Variants in FBXL17 observed in about 807,000 individuals in gnomAD.
FBXL17 encodes F-box/LRR-repeat protein 17.
Under a neutral mutation model 66.2 loss-of-function variants are expected in FBXL17, and 22 were observed. The observed-to-expected ratio is 0.33, with a 90% CI of 0.24 to 0.47. The LOEUF is 0.47. Ranked by LOEUF, FBXL17 falls within the 20% of genes least tolerant of loss-of-function variation. The pLI is 1.00. For missense variants in FBXL17, 878 were observed against 948.2 expected (o/e 0.93, Z 0.97); for synonymous variants, 474 against 400.5 (o/e 1.18, Z -2.19).
At chr5:108,313,646 T>C (rs1759226154) in intron 4 of FBXL17, among the ~76,000 whole-genome samples, 1 of 152,036 alleles carries the variant, frequency 6.6e-6, no homozygotes. Flanking sequence ...TTTACATTTA[T>C]ATATTATGAT....
At position 108,240,374 on chromosome 5, in the gene FBXL17, G is replaced by C. The variant is rs761779523; in HGVS notation, c.1507-16146C>G. On this transcript the variant is annotated intron_variant, in intron 4 of 8. Transcript: ENST00000542267. ...GGCCTGGCAGCACTCATCATAAGCT[G>C]ACTAAAGAGCCTTTGGTCCTTGAAT... Among the ~76,000 whole-genome samples, 117 of 152,070 alleles carry C rather than the reference G, an allele frequency of 7.7e-4. 1 individual carries two copies. The highest frequency in any genetic ancestry group is 1.5e-4 in the Non-Finnish European group (10 of 68,016).
At chr5:108,010,753 C>A (rs1754144896) in intron 7 of FBXL17, among the ~76,000 whole-genome samples, 2 of 151,798 alleles carry the variant, frequency 1.3e-5, no homozygotes, top group Non-Finnish European at 2.9e-5. Flanking sequence ...AAAAATAGGG[C>A]AATTTGAGCA....
At chr5:108,304,812 GATTA>G (rs1758762554) in intron 4 of FBXL17, among the ~76,000 whole-genome samples, 1 of 151,708 alleles carries the variant, frequency 6.6e-6, no homozygotes, top group African/African-American at 2.4e-5. Context: ...GTACATACTT[GATTA>G]AAAACTAAAA....
intron 4 of FBXL17, among the ~76,000 whole-genome samples, chr5:108,294,113 G>A (rs982372163): frequency 3.1e-5 from 4 of 130,454 alleles, no homozygotes; most frequent in Non-Finnish European, 4.9e-5. Flanking sequence ...ATTCAAAGCA[G>A]ACATGATATT....
intron 4 of FBXL17, among the ~76,000 whole-genome samples, chr5:108,305,028 C>A (rs1400620212): frequency 2.6e-5 from 4 of 151,960 alleles, no homozygotes; most frequent in Non-Finnish European, 5.9e-5. Flanking sequence ...GCTTCTATTT[C>A]TCCATATGAA....
intron 7 of FBXL17, among the ~76,000 whole-genome samples, chr5:107,930,344 T>C (rs188140011): frequency 1.1e-3 from 166 of 152,320 alleles, no homozygotes; most frequent in Non-Finnish European, 2.0e-3. Flanking sequence ...TCTCTCAGTT[T>C]CTTTACCCAG....
rs561526609 is a variant in FBXL17, at chr5:108,334,992, T to C, written c.1506+13407A>G. 1.4e-4 allele frequency among the ~76,000 whole-genome samples: 22 copies of C among 152,242 alleles called. 1 individual carries two copies. The highest frequency in any genetic ancestry group is 2.6e-4 in the Non-Finnish European group (18 of 68,036). ...ATTTCAATTGTTAAATTACAAATTC[T>C]ACACTATTGGTGTGAGAATAAGGTA... is the stretch of plus-strand genomic sequence containing the variant. On this transcript the variant is annotated intron_variant, in intron 4 of 8. Transcript: ENST00000542267.
chr5:108,251,279 G>A (rs926050794), intron 4 of FBXL17, among the ~76,000 whole-genome samples: 1 of 151,940 alleles, frequency 6.6e-6, no homozygotes, highest in Non-Finnish European at 1.5e-5. Flanking sequence ...AACCTGCAGG[G>A]TAAAAAATAC....
intron 1 of FBXL17, among the ~76,000 whole-genome samples, chr5:108,374,755 AT>A (rs1184464412): frequency 6.6e-6 from 1 of 152,176 alleles, no homozygotes; most frequent in African/African-American, 2.4e-5. Flanking sequence ...AAATCTGGAA[AT>A]TTCACAAATA....
chr5:107,983,937 C>T (rs1450211718), intron 7 of FBXL17, among the ~76,000 whole-genome samples: 2 of 151,568 alleles, frequency 1.3e-5, no homozygotes, highest in African/African-American at 4.9e-5. Flanking sequence ...ACGTGTTTTG[C>T]AGTGAAGAAA....
intron 6 of FBXL17, among the ~76,000 whole-genome samples, chr5:108,084,462 G>C (rs761670759): frequency 6.6e-6 from 1 of 152,150 alleles, no homozygotes; most frequent in Non-Finnish European, 1.5e-5. Flanking sequence ...AGTTTCATCT[G>C]GAAAAAACAC....
chr5:107,981,725 A>C (rs1017112911), intron 7 of FBXL17, among the ~76,000 whole-genome samples: 1 of 152,250 alleles, frequency 6.6e-6, no homozygotes, highest in Admixed American at 6.5e-5. Context: ...TATAGAAAAA[A>C]AACATTCTCC....
chr5:107,873,680 C>A (rs1748525947), intron 8 of FBXL17, among the ~76,000 whole-genome samples: 1 of 152,186 alleles, frequency 6.6e-6, no homozygotes, highest in South Asian at 2.1e-4. Context: ...GGGATCTCAT[C>A]TGAGCTCTGT....
intron 4 of FBXL17, among the ~76,000 whole-genome samples, chr5:108,265,798 G>T (rs1580714221): frequency 2.0e-5 from 3 of 152,130 alleles, no homozygotes; most frequent in Admixed American, 2.0e-4. Context: ...TTAAAATGCA[G>T]ATCCTATTTC....
chr5:108,248,681 G>A (rs1037223096), intron 4 of FBXL17, among the ~76,000 whole-genome samples: 6 of 151,982 alleles, frequency 3.9e-5, no homozygotes, highest in African/African-American at 9.7e-5. Context: ...AACGAAAGGC[G>A]AAAATAATCC....
chr5:108,056,382 A>C (rs1390092957), intron 6 of FBXL17, among the ~76,000 whole-genome samples: 1 of 152,228 alleles, frequency 6.6e-6, no homozygotes, highest in African/African-American at 2.4e-5. Context: ...TTCTTACAAC[A>C]GGTAGTGGGG....
chr5:107,887,690 G>A (rs1047669389), intron 7 of FBXL17, among the ~76,000 whole-genome samples: 3 of 152,154 alleles, frequency 2.0e-5, no homozygotes, highest in South Asian at 2.1e-4. Context: ...TGGTCCCTGC[G>A]AAGGCTCCCT....
At chr5:107,977,448 CTG>C (rs1199808299) in intron 7 of FBXL17, among the ~76,000 whole-genome samples, 2 of 152,142 alleles carry the variant, frequency 1.3e-5, no homozygotes. Flanking sequence ...AGAGAAAAAA[CTG>C]GGGCTCGGAA....
intron 4 of FBXL17, among the ~76,000 whole-genome samples, chr5:108,340,658 T>C (rs544142695): frequency 1.1e-4 from 17 of 152,316 alleles, no homozygotes; most frequent in African/African-American, 4.1e-4. Flanking sequence ...ACAATTTACT[T>C]ACTTTAAAAG....
Sources: gnomAD v4.1 joint callset for allele counts (sites outside exome capture counted in the v4.1 genomes callset) on GRCh38, gnomAD v4.1.1 for gene constraint, MANE v1.5 for transcripts, NCBI Gene and HGNC (gene_info 2026-07-23, HGNC 2026-07-21) for gene names.